The following OPA3 variants were observed in gnomAD, a reference collection of about 807,000 sequenced individuals.
The protein encoded by OPA3 is optic atrophy 3 protein.
OPA3 carries 6 observed loss-of-function variants against 4.0 expected under a neutral mutation model. That is an observed-to-expected ratio of 1.51 (90% CI 0.83 to 2.99). OPA3 has a LOEUF of 2.99. Ranked by LOEUF, OPA3 falls within the 30% of genes most tolerant of loss-of-function variation. The pLI is 0.00. For missense variants in OPA3, 235 were observed against 256.2 expected, an observed-to-expected ratio of 0.92 and a Z score of 0.56; for synonymous variants, 105 against 117.1, an observed-to-expected ratio of 0.90 and a Z score of 0.67.
intron 1 of OPA3, among the ~76,000 whole-genome samples, chr19:45,570,842 G>A (rs1414997455): frequency 1.5e-4 from 22 of 146,718 alleles, no homozygotes; most frequent in Non-Finnish European, 2.4e-4. Flanking sequence ...CAGCCTGGGC[G>A]ACAGAGTGAG....
chr19:45,532,644 T>C (rs536772999), intron 1 of OPA3, among the ~76,000 whole-genome samples: 1 of 152,298 alleles, frequency 6.6e-6, no homozygotes, highest in South Asian at 2.1e-4. Context: ...TCAGAACTTA[T>C]TTTTTCCCCC....
At chr19:45,538,958 G>A (rs1295000132) in intron 1 of OPA3, among the ~76,000 whole-genome samples, 1 of 152,164 alleles carries the variant, frequency 6.6e-6, no homozygotes, top group Non-Finnish European at 1.5e-5. Context: ...CTGAATGGCT[G>A]GGGAGGCCTC....
chr19:45,580,837 T>C (rs369068458), intron 1 of OPA3, among the ~76,000 whole-genome samples: 17 of 151,874 alleles, frequency 1.1e-4, no homozygotes, highest in African/African-American at 3.9e-4. Flanking sequence ...AGGCTGGTCT[T>C]GAACTCCTGA....
At chr19:45,577,424 C>T (rs892100) in intron 1 of OPA3, among the ~76,000 whole-genome samples, 127,203 of 152,194 alleles carry the variant, frequency 0.84, 53,433 homozygotes, top group African/African-American at 0.91. Flanking sequence ...AAAGGGCAAT[C>T]AGCAGTGTGA....
chr19:45,536,770 C>A (rs1266662999), intron 1 of OPA3, among the ~76,000 whole-genome samples: 2 of 152,134 alleles, frequency 1.3e-5, no homozygotes, highest in Non-Finnish European at 2.9e-5. Flanking sequence ...GAAAGTGACA[C>A]TGTAGTGCAG....
intron 1 of OPA3, among the ~76,000 whole-genome samples, chr19:45,569,680 A>C (rs759003441): frequency 2.6e-5 from 4 of 151,712 alleles, no homozygotes; most frequent in Non-Finnish European, 5.9e-5. Context: ...CTGGAAAAGG[A>C]TTTTCCTCCT....
At chr19:45,531,566 A>G (rs1247298102) in intron 1 of OPA3, among the ~76,000 whole-genome samples, 1 of 152,170 alleles carries the variant, frequency 6.6e-6, no homozygotes, top group Non-Finnish European at 1.5e-5. Flanking sequence ...GTTGAATTTC[A>G]TTCTAGTTTT....
chr19:45,574,198 C>T (rs922694258), intron 1 of OPA3, among the ~76,000 whole-genome samples: 36 of 151,778 alleles, frequency 2.4e-4, no homozygotes, highest in Admixed American at 2.6e-4. Flanking sequence ...TCGAGACCAT[C>T]CTGGCTAACA....
chr19:45,562,526 TA>T (rs200088416), intron 1 of OPA3, among the ~76,000 whole-genome samples: 8 of 96,902 alleles, frequency 8.3e-5, no homozygotes, highest in Non-Finnish European at 6.0e-5. Context: ...CTGTCTCTAC[TA>T]AAAAAAAAAA....
chr19:45,582,199 C>T lies in OPA3; in HGVS notation c.142+2424G>A, dbSNP rs978205696. ...TTTTTGAGATGGATTTTCACTCTTT[C>T]GCCTGGGCTGGAATGAAGTGACGCG... On this transcript the variant is annotated intron_variant, in intron 1 of 1. Coordinates refer to ENST00000263275, the MANE Select transcript of OPA3 (RefSeq NM_025136.4). 8.0e-5 allele frequency among the ~76,000 whole-genome samples: 12 copies of T among 149,138 alleles called. 1 individual carries two copies. The highest frequency in any genetic ancestry group is 4.2e-4 in the South Asian group (2 of 4,716).
chr19:45,581,464 C>T (rs758139580), intron 1 of OPA3, among the ~76,000 whole-genome samples: 5 of 152,192 alleles, frequency 3.3e-5, no homozygotes, highest in Admixed American at 6.5e-5. Context: ...GAACCCCATG[C>T]CATGTCAGGT....
At chr19:45,574,987 C>G (rs1969745885) in intron 1 of OPA3, among the ~76,000 whole-genome samples, 1 of 152,192 alleles carries the variant, frequency 6.6e-6, no homozygotes, top group Non-Finnish European at 1.5e-5. Context: ...TCCAGCCCAG[C>G]CACCTCCACC....
At chr19:45,575,703 C>T (rs1200295455) in intron 1 of OPA3, among the ~76,000 whole-genome samples, 2 of 152,094 alleles carry the variant, frequency 1.3e-5, no homozygotes, top group African/African-American at 2.4e-5. Flanking sequence ...TTCTCCTGGG[C>T]TCAAGCAATC....
chr19:45,570,240 T>G (rs75280602), intron 1 of OPA3, among the ~76,000 whole-genome samples: 200 of 152,318 alleles, frequency 1.3e-3, no homozygotes, highest in African/African-American at 4.6e-3. Context: ...CATGAGTACA[T>G]GAGCAAATTC....
chr19:45,583,155 CTTT>C (rs368045812), intron 1 of OPA3, among the ~76,000 whole-genome samples: 1 of 145,922 alleles, frequency 6.9e-6, no homozygotes, highest in Non-Finnish European at 1.5e-5. Flanking sequence ...CACAGATCAC[CTTT>C]TTTTTTTTTG....
chr19:45,536,723 G>A (rs969273684), intron 1 of OPA3, among the ~76,000 whole-genome samples: 1 of 152,082 alleles, frequency 6.6e-6, no homozygotes, highest in Non-Finnish European at 1.5e-5. Flanking sequence ...AGAGAATCCA[G>A]AAATATTCAC....
rs749084024 is a variant in OPA3, at chr19:45,550,018, G to A, written c.*3496C>T. The A allele has an allele frequency of 1.3e-5, 6 of 475,578 alleles. No individual in the cohort carries two copies. Among genetic ancestry groups the A allele is most frequent in the African/African-American group, 2.1e-5 (1 of 47,192 alleles). The allele number at this position is 475,578 out of a possible 1,614,324, so 29.5% of individuals were successfully genotyped here. A position where few individuals can be genotyped will look rare whatever the true frequency, so the allele number is the denominator to read the frequency against. ...ACTAAAATACAAAAATTAGCCAGGCGTGGGTGGTGGGCACATGTAATCCCA... is the reference window on the plus strand; with the variant it reads ...ACTAAAATACAAAAATTAGCCAGGCATGGGTGGTGGGCACATGTAATCCCA... On this transcript the variant is annotated 3_prime_UTR_variant, in exon 2 of 2. Transcript: ENST00000263275.
At position 45,547,280 on chromosome 19, in the gene OPA3, T is replaced by C. The variant is rs895926052; in HGVS notation, c.*6234A>G. The C allele has an allele frequency of 3.3e-5, 5 of 152,198 alleles. No homozygotes were observed. Among genetic ancestry groups the C allele is most frequent in the African/African-American group, 9.7e-5 (4 of 41,440 alleles). The allele number at this position is 152,198 out of a possible 1,614,324, so 9.4% of individuals were successfully genotyped here. ...TACTCTATTCCAGGGGATGGTAAACTTTTTCTGTAAAGGGCCAGAGAGTAC... is the reference window on the plus strand; with the variant it reads ...TACTCTATTCCAGGGGATGGTAAACCTTTTCTGTAAAGGGCCAGAGAGTAC... On this transcript the variant is annotated 3_prime_UTR_variant, in exon 2 of 2. Transcript: ENST00000263275.
At chr19:45,555,094 G>C (rs1020907589) in intron 1 of OPA3, among the ~76,000 whole-genome samples, 6 of 152,142 alleles carry the variant, frequency 3.9e-5, no homozygotes, top group Admixed American at 1.3e-4. Flanking sequence ...CCATCCAAAA[G>C]ATGAACATTT....
Sources: allele counts gnomAD v4.1 joint callset (sites outside exome capture counted in the v4.1 genomes callset), GRCh38; gene constraint gnomAD v4.1.1; transcripts MANE v1.5; gene names NCBI Gene and HGNC (gene_info 2026-07-23, HGNC 2026-07-21).